The following CCDC30 variants were observed in gnomAD, a reference collection of about 807,000 sequenced individuals.
CCDC30 encodes the protein coiled-coil domain containing 30, also known as coiled-coil domain-containing protein 30.
CCDC30 carries 70 observed loss-of-function variants against 100.2 expected under a neutral mutation model. The observed-to-expected ratio is 0.70, with a 90% confidence interval of 0.58 to 0.85. The LOEUF (loss-of-function observed/expected upper bound fraction) is 0.85, where lower values mean the gene tolerates loss of function less well. Ranked by LOEUF, CCDC30 falls within the 40% of genes least tolerant of loss-of-function variation. The pLI, the probability that CCDC30 is intolerant of heterozygous loss-of-function variation, is 0.00. For synonymous variants in CCDC30, 233 were observed against 269.5 expected (o/e 0.86, Z 1.33); for missense variants, 652 against 771.2 (o/e 0.85, Z 1.83).
rs947287186 is a variant in CCDC30, at chr1:42,502,540, C to T, written c.456+3624C>T. Among the ~76,000 whole-genome samples, 10 of 152,304 alleles carry T rather than the reference C, an allele frequency of 6.6e-5. No homozygotes were observed. In the East Asian group the frequency reaches 1.9e-3, roughly 29 times the overall value. On this transcript the variant is annotated intron_variant, in intron 6 of 16. Coordinates refer to ENST00000668663, the Ensembl canonical transcript of CCDC30. ...CTCAGTTGGAAATGCAGAAATCACC[C>T]ATCTTCTGCGTCGCTCATGCTGGGA... is the stretch of plus-strand genomic sequence containing the variant.
chr1:42,597,827 T>A (rs1313269865), intron 10 of CCDC30, among the ~76,000 whole-genome samples: 1 of 145,934 alleles, frequency 6.9e-6, no homozygotes, highest in African/African-American at 2.6e-5. Flanking sequence ...ATCATGCCAC[T>A]GCATTCCAGC....
chr1:42,538,745 A>G (rs975980078), intron 6 of CCDC30, among the ~76,000 whole-genome samples: 1 of 152,214 alleles, frequency 6.6e-6, no homozygotes, highest in African/African-American at 2.4e-5. Flanking sequence ...ACTTTCAGCA[A>G]TTCCCTTATA....
intron 6 of CCDC30, among the ~76,000 whole-genome samples, chr1:42,552,784 G>T (rs1473314551): frequency 6.6e-6 from 1 of 152,086 alleles, no homozygotes; most frequent in Non-Finnish European, 1.5e-5. Flanking sequence ...AGGTGGGTGG[G>T]GGTGGCTTAT....
chr1:42,503,547 G>A lies in CCDC30; in HGVS notation c.456+4631G>A, dbSNP rs552009559. ...CTTTCTACTTGGCCAGCGCCATCTT[G>A]TCTGCTCCATACTGTACACGTGGCT... On this transcript the variant is annotated intron_variant, in intron 6 of 16. Transcript: ENST00000668663. Among the ~76,000 whole-genome samples, 76 of 152,306 alleles carry A rather than the reference G, an allele frequency of 5.0e-4. No individual in the cohort carries two copies. The Middle Eastern group carries it at 0.01, about 20-fold the overall frequency.
At chr1:42,598,587 AAAGAAC>A (rs539642481) in intron 10 of CCDC30, among the ~76,000 whole-genome samples, 42 of 152,204 alleles carry the variant, frequency 2.8e-4, no homozygotes, top group Non-Finnish European at 4.6e-4. Context: ...AAGTAGCAAC[AAAGAAC>A]AAGAACAACT....
upstream of CCDC30, chr1:42,459,798 G>C (rs755679446): frequency 3.1e-6 from 5 of 1,614,122 alleles, no homozygotes; most frequent in African/African-American, 6.7e-5. Context: ...TGTGTTTATT[G>C]TAACCAAAGA....
intron 1 of CCDC30, among the ~76,000 whole-genome samples, chr1:42,465,273 T>G (rs897725911): frequency 1.3e-5 from 2 of 152,192 alleles, no homozygotes; most frequent in East Asian, 3.9e-4. Flanking sequence ...ATCGCACCAC[T>G]GCGCTCCAAC....
chr1:42,548,404 A>C (rs188210864), intron 6 of CCDC30, among the ~76,000 whole-genome samples: 102 of 152,306 alleles, frequency 6.7e-4, no homozygotes, highest in African/African-American at 2.2e-3. Context: ...GTGGAAAGAC[A>C]ATGGGGTAAG....
At chr1:42,536,306 A>G (rs374856953) in intron 6 of CCDC30, among the ~76,000 whole-genome samples, 170 bp from the exon 7 acceptor site, 3 of 152,286 alleles carry the variant, frequency 2.0e-5, no homozygotes, top group Admixed American at 6.5e-5. Flanking sequence ...ACCATTGTGT[A>G]AATTAAGGCT....
chr1:42,472,113 G>A (rs1488065767), intron 1 of CCDC30, among the ~76,000 whole-genome samples: 1 of 152,090 alleles, frequency 6.6e-6, no homozygotes, highest in Non-Finnish European at 1.5e-5. Flanking sequence ...AATTAGCCAG[G>A]TGTGGTGGCA....
At chr1:42,510,531 C>A (rs1171343477) in intron 6 of CCDC30, among the ~76,000 whole-genome samples, 1 of 152,024 alleles carries the variant, frequency 6.6e-6, no homozygotes, top group East Asian at 1.9e-4. Flanking sequence ...GTGGCACACG[C>A]CTGTGGTCCC....
intron 11 of CCDC30, among the ~76,000 whole-genome samples, chr1:42,617,531 C>T (rs114458620): frequency 0.017 from 2,562 of 152,122 alleles, 80 homozygotes; most frequent in African/African-American, 0.054. Context: ...GTATGGGAGA[C>T]GAGAGTTTTA....
At chr1:42,614,151 G>A (rs1041961195) in intron 11 of CCDC30, among the ~76,000 whole-genome samples, 47 of 150,708 alleles carry the variant, frequency 3.1e-4, no homozygotes, top group Admixed American at 1.8e-3. Context: ...CCGGATCTCG[G>A]CTCACTGCAA....
At chr1:42,490,106 T>G in intron 3 of CCDC30, 52 bp from the exon 4 acceptor site, 1 of 669,918 alleles carries the variant, frequency 1.5e-6, no homozygotes, top group Non-Finnish European at 2.1e-6. Flanking sequence ...TGAAATTTGA[T>G]TATTATACTA....
In CCDC30 at chr1:42,635,453, T is replaced by C. The variant is rs117365816; in HGVS notation, c.1278-1784T>C. ...GCTATGAACATTTGTGTATAAGTTT[T>C]TGTGTGGACATATGTTTTCATTTAT... is the stretch of plus-strand genomic sequence containing the variant. On this transcript the variant is annotated intron_variant, in intron 11 of 16. Coordinates refer to ENST00000668663, the Ensembl canonical transcript of CCDC30. 5.8e-4 allele frequency among the ~76,000 whole-genome samples: 88 copies of C among 152,324 alleles called. No homozygotes were observed. The East Asian group carries it at 0.016, about 28-fold the overall frequency.
chr1:42,625,458 C>G (rs1646915580), intron 11 of CCDC30, among the ~76,000 whole-genome samples: 1 of 151,914 alleles, frequency 6.6e-6, no homozygotes, highest in Non-Finnish European at 1.5e-5. Flanking sequence ...TAAGATGCAT[C>G]ATTAGATTGT....
intron 6 of CCDC30, among the ~76,000 whole-genome samples, chr1:42,531,694 G>C (rs1406163337): frequency 1.3e-5 from 2 of 152,018 alleles, no homozygotes; most frequent in Non-Finnish European, 2.9e-5. Flanking sequence ...CCGAGAGACA[G>C]AGGTTGCAGT....
Position 42,600,823 on chromosome 1 carries a change from C to G in CCDC30, c.1165-10155C>G, listed in dbSNP as rs562068171. ...TTCCCCCTGTGCTCTCTCTCTCTCTCTCTCTCACTCTTGCTCTCTCCCTCC... is the reference window on the plus strand; with the variant it reads ...TTCCCCCTGTGCTCTCTCTCTCTCTGTCTCTCACTCTTGCTCTCTCCCTCC... On this transcript the variant is annotated intron_variant, in intron 10 of 16. Transcript: ENST00000668663. 2.2e-4 allele frequency among the ~76,000 whole-genome samples: 33 copies of G among 151,820 alleles called. No individual in the cohort carries two copies. The South Asian group carries it at 6.7e-3, about 31-fold the overall frequency.
chr1:42,497,307 C>T, intron 5 of CCDC30, 94 bp downstream of exon 5: 1 of 689,932 alleles, frequency 1.4e-6, no homozygotes, highest in East Asian at 3.4e-5. Flanking sequence ...GTAAGTTGGT[C>T]TTTAGCAGGG....
Sources: allele counts gnomAD v4.1 joint callset (sites outside exome capture counted in the v4.1 genomes callset), GRCh38; gene constraint gnomAD v4.1.1; transcripts MANE v1.5; gene names NCBI Gene and HGNC (gene_info 2026-07-23, HGNC 2026-07-21).